Variants in CPQ observed in about 807,000 individuals in gnomAD.
CPQ encodes Ser-Met dipeptidase.
In CPQ, 37 loss-of-function variants were observed where a neutral mutation model predicts 45.7. The ratio of observed to expected loss-of-function variants is 0.81; its 90% CI spans 0.62 to 1.07. The LOEUF is 1.07. Ranked by LOEUF, CPQ falls within the 50% of genes least tolerant of loss-of-function variation. The pLI, the probability that CPQ is intolerant of heterozygous loss-of-function variation, is 0.00. For missense variants in CPQ, 537 were observed against 572.9 expected, an observed-to-expected ratio of 0.94 and a Z score of 0.64; for synonymous variants, 186 against 205.8, an observed-to-expected ratio of 0.90 and a Z score of 0.82.
At chr8:96,918,172 A>G (rs966206204) in intron 4 of CPQ, among the ~76,000 whole-genome samples, 1 of 152,054 alleles carries the variant, frequency 6.6e-6, no homozygotes, top group Non-Finnish European at 1.5e-5. Context: ...GTGCACCTTT[A>G]CCTGTTCCCC....
chr8:96,884,883 G>C (rs1812279618), intron 4 of CPQ, among the ~76,000 whole-genome samples: 1 of 152,130 alleles, frequency 6.6e-6, no homozygotes, highest in African/African-American at 2.4e-5. Context: ...AAGAATAGTG[G>C]TGCTAAATAA....
chr8:96,852,406 T>C (rs554634469), intron 3 of CPQ, among the ~76,000 whole-genome samples: 5 of 152,328 alleles, frequency 3.3e-5, no homozygotes, highest in Middle Eastern at 6.8e-3. Flanking sequence ...GTGTGTTCAA[T>C]CGTATTTCTC....
At position 97,029,806 on chromosome 8, in the gene CPQ, T is replaced by C. The variant is rs180697037; in HGVS notation, c.1053+312T>C. ...TTCATGTATGTCAGAGAAATAGTTATAGGCAAACATTCCCTCTCCCCACCG... is the reference window on the plus strand; with the variant it reads ...TTCATGTATGTCAGAGAAATAGTTACAGGCAAACATTCCCTCTCCCCACCG... On this transcript the variant is annotated intron_variant, in intron 6 of 7. Transcript: ENST00000220763. Among the ~76,000 whole-genome samples, 330 of 152,264 alleles carry C rather than the reference T, an allele frequency of 2.2e-3. 5 individuals are homozygous for C. Among genetic ancestry groups the C allele is most frequent in the Non-Finnish European group, 8.5e-4 (58 of 68,028 alleles).
intron 1 of CPQ, among the ~76,000 whole-genome samples, chr8:96,690,689 G>T (rs572047012): frequency 6.6e-6 from 1 of 152,294 alleles, no homozygotes; most frequent in East Asian, 1.9e-4. Context: ...AAGTTTACAT[G>T]CCCAGTGCAG....
At chr8:96,810,547 G>A (rs146196889) in intron 2 of CPQ, among the ~76,000 whole-genome samples, 1 of 152,258 alleles carries the variant, frequency 6.6e-6, no homozygotes, top group East Asian at 1.9e-4. Flanking sequence ...ATAAAACTAT[G>A]ATGTGAAAGC....
At chr8:96,947,066 A>G (rs943298193) in intron 4 of CPQ, among the ~76,000 whole-genome samples, 1 of 152,198 alleles carries the variant, frequency 6.6e-6, no homozygotes, top group Non-Finnish European at 1.5e-5. Flanking sequence ...TCCCCAGTAC[A>G]TAGTATGGTG....
intron 2 of CPQ, among the ~76,000 whole-genome samples, chr8:96,813,532 G>T (rs1811185669): frequency 6.6e-6 from 1 of 152,122 alleles, no homozygotes; most frequent in Non-Finnish European, 1.5e-5. Context: ...TTTAGAAGGA[G>T]AAGCCAATCC....
At chr8:96,999,101 CTTAG>C (rs149673149) in intron 5 of CPQ, among the ~76,000 whole-genome samples, 134 of 152,032 alleles carry the variant, frequency 8.8e-4, no homozygotes, top group Middle Eastern at 3.4e-3. Flanking sequence ...GAACCTGAGG[CTTAG>C]TTAGAGAAAC....
intron 2 of CPQ, among the ~76,000 whole-genome samples, chr8:96,815,809 G>A (rs1339856375): frequency 6.6e-6 from 1 of 151,752 alleles, no homozygotes; most frequent in Non-Finnish European, 1.5e-5. Context: ...TGGTTTCCCA[G>A]TACATATAAA....
chr8:96,862,684 T>C (rs1457661761), intron 3 of CPQ, among the ~76,000 whole-genome samples: 3 of 152,096 alleles, frequency 2.0e-5, no homozygotes, highest in Non-Finnish European at 4.4e-5. Context: ...CCTACATATC[T>C]GTTCTTTACT....
chr8:96,918,541 T>C lies in CPQ; in HGVS notation c.849+38536T>C, dbSNP rs547329126. On this transcript the variant is annotated intron_variant, in intron 4 of 7. Transcript: ENST00000220763. The stretch of plus-strand genomic sequence containing the variant: ...TTTCTTCTTACTCCTAGTTCTTACT[T>C]CCCAGGACCCTCTGTTTACTCAGGC... 2.7e-3 allele frequency among the ~76,000 whole-genome samples: 417 copies of C among 152,216 alleles called. 4 individuals carry two copies. Among genetic ancestry groups the C allele is most frequent in the African/African-American group, 9.5e-3 (395 of 41,546 alleles).
At chr8:96,973,480 CT>C (rs1309828495) in intron 5 of CPQ, among the ~76,000 whole-genome samples, 1 of 152,114 alleles carries the variant, frequency 6.6e-6, no homozygotes, top group East Asian at 1.9e-4. Context: ...CCTGGCCTTC[CT>C]AGAGATCTAG....
intron 2 of CPQ, among the ~76,000 whole-genome samples, chr8:96,830,026 G>A (rs753231005): frequency 9.2e-5 from 14 of 152,112 alleles, no homozygotes; most frequent in Admixed American, 2.0e-4. Flanking sequence ...AGAAAGAACT[G>A]TTGTGTTCTT....
intron 7 of CPQ, among the ~76,000 whole-genome samples, chr8:97,112,776 G>C (rs1016612384): frequency 4.6e-5 from 7 of 152,318 alleles, no homozygotes; most frequent in African/African-American, 1.7e-4. Flanking sequence ...CATGAGGGGA[G>C]GGGCAGTGCT....
chr8:96,994,235 G>A (rs977416677), intron 5 of CPQ, among the ~76,000 whole-genome samples: 2 of 152,094 alleles, frequency 1.3e-5, no homozygotes, highest in Non-Finnish European at 2.9e-5. Context: ...GACAGCTAGG[G>A]TTAGTTACTG....
At chr8:96,791,027 G>A (rs1367838501) in intron 2 of CPQ, among the ~76,000 whole-genome samples, 1 of 152,096 alleles carries the variant, frequency 6.6e-6, no homozygotes, top group Non-Finnish European at 1.5e-5. Context: ...TCTGTTAAAT[G>A]CTAATCTATG....
At chr8:96,782,199 C>A (rs969824501) in intron 1 of CPQ, among the ~76,000 whole-genome samples, 2 of 152,172 alleles carry the variant, frequency 1.3e-5, no homozygotes, top group Non-Finnish European at 2.9e-5. Flanking sequence ...CTACCTGGAT[C>A]CCCAGGCTGT....
At chr8:96,935,475 G>A (rs1165909990) in intron 4 of CPQ, among the ~76,000 whole-genome samples, 1 of 152,194 alleles carries the variant, frequency 6.6e-6, no homozygotes, top group African/African-American at 2.4e-5. Flanking sequence ...TGACTGTGGG[G>A]AAGAGGAGGT....
intron 6 of CPQ, among the ~76,000 whole-genome samples, chr8:97,043,806 T>C (rs1214499356): frequency 6.6e-6 from 1 of 152,242 alleles, no homozygotes; most frequent in African/African-American, 2.4e-5. Flanking sequence ...ATGTTGAATA[T>C]TGGCCCCCAC....
Sources: gnomAD v4.1 joint callset for allele counts (sites outside exome capture counted in the v4.1 genomes callset) on GRCh38, gnomAD v4.1.1 for gene constraint, MANE v1.5 for transcripts, NCBI Gene and HGNC (gene_info 2026-07-23, HGNC 2026-07-21) for gene names.